HSPG2: variants seen among roughly 807,000 people sequenced by gnomAD.
The protein encoded by HSPG2 is heparan sulfate proteoglycan 2, also known as basement membrane-specific heparan sulfate proteoglycan core protein.
HSPG2 carries 278 observed loss-of-function variants against 526.6 expected under a neutral mutation model. The ratio of observed to expected loss-of-function variants is 0.53; its 90% CI spans 0.48 to 0.58. The LOEUF is 0.58. Ranked by LOEUF, HSPG2 falls within the 20% of genes least tolerant of loss-of-function variation. The pLI is 0.00. For synonymous variants in HSPG2, 2,465 were observed against 2,555.4 expected (o/e 0.96, Z 1.07); for missense variants, 5,354 against 6,099.5 (o/e 0.88, Z 4.07).
rs369321573 is a variant in HSPG2, at chr1:21,890,582, C to T, written c.354+3G>A. 18 of 1,611,576 alleles carry T rather than the reference C, an allele frequency of 1.1e-5. No homozygotes were observed. Among genetic ancestry groups the T allele is most frequent in the Middle Eastern group, 3.3e-4 (2 of 6,054 alleles). ...CGAGCTTCCCAAACCCCCTTCACCTCACCGTGTCTACCACAGCCTCGGACA... is the reference window on the plus strand; with the variant it reads ...CGAGCTTCCCAAACCCCCTTCACCTTACCGTGTCTACCACAGCCTCGGACA... On this transcript the variant is annotated splice_donor_region_variant and intron_variant, in intron 4 of 96. Coordinates refer to ENST00000374695, the MANE Select transcript of HSPG2 (RefSeq NM_005529.7). This position sits in a 1 kb window ranked among gnomAD's most constrained non-coding sequence, Gnocchi z 4.1.
intron 33 of HSPG2, chr1:21,870,196 G>C: frequency 1.1e-5 from 11 of 971,020 alleles, no homozygotes; most frequent in Non-Finnish European, 1.3e-5. Context: ...ACCTGTCCTA[G>C]CCAGGTCCTC....
chr1:21,862,505 A>G (rs1238807324), intron 37 of HSPG2, among the ~76,000 whole-genome samples: 2 of 151,112 alleles, frequency 1.3e-5, no homozygotes, highest in Non-Finnish European at 3.0e-5. Flanking sequence ...AGTTGCTTGA[A>G]TCCAGGAGGT....
chr1:21,879,985 T>C (rs752192833), intron 17 of HSPG2, 122 bp downstream of exon 17: 16 of 1,159,366 alleles, frequency 1.4e-5, no homozygotes, highest in South Asian at 1.3e-4. Context: ...GAGGTCATGA[T>C]AGTTCATCTG....
At chr1:21,921,604 G>C (rs1267164138) in intron 1 of HSPG2, among the ~76,000 whole-genome samples, 1 of 152,190 alleles carries the variant, frequency 6.6e-6, no homozygotes, top group Non-Finnish European at 1.5e-5. Context: ...TTAAGGGGCT[G>C]GGAGGGTCCC....
At chr1:21,843,066 T>C (rs1388070987) in intron 66 of HSPG2, 145 bp from the exon 67 acceptor site, 7 of 1,070,710 alleles carry the variant, frequency 6.5e-6, no homozygotes, top group Middle Eastern at 3.0e-4. Context: ...AAGGGTCTCC[T>C]TTCCCTGGGG....
chr1:21,844,823 C>T (rs1321290489), intron 64 of HSPG2, among the ~76,000 whole-genome samples: 2 of 152,242 alleles, frequency 1.3e-5, no homozygotes, highest in Admixed American at 6.5e-5. Flanking sequence ...TAGGGTCCAA[C>T]ACCTAAGAAG....
intron 74 of HSPG2, 30 bp downstream of exon 74, chr1:21,838,795 C>T (rs374845971): frequency 3.7e-5 from 59 of 1,606,902 alleles, no homozygotes; most frequent in African/African-American, 2.7e-4. Flanking sequence ...GAAAGGTGAT[C>T]CCCTTCCACG....
intron 1 of HSPG2, among the ~76,000 whole-genome samples, chr1:21,912,480 G>A (rs1291475362): frequency 9.2e-5 from 14 of 152,112 alleles, no homozygotes; most frequent in Non-Finnish European, 1.5e-5. Context: ...ATCCTGTACT[G>A]TCCAAGCTGG....
At chr1:21,894,190 G>A (rs1642579844) in intron 3 of HSPG2, among the ~76,000 whole-genome samples, 2 of 152,058 alleles carry the variant, frequency 1.3e-5, no homozygotes, top group Non-Finnish European at 2.9e-5. Context: ...GACGGGTCTT[G>A]ACACACAGGG....
rs1248340781 is a variant in HSPG2 at position 21,878,500 on chromosome 1, G to A, written c.2559-9C>T. 3.1e-6 allele frequency: 5 copies of A among 1,613,236 alleles called. No individual in the cohort carries two copies. Among genetic ancestry groups the A allele is most frequent in the East Asian group, 2.2e-5 (1 of 44,866 alleles). On this transcript the variant is annotated splice_polypyrimidine_tract_variant and intron_variant, in intron 19 of 96. Coordinates refer to ENST00000374695, the MANE Select transcript of HSPG2 (RefSeq NM_005529.7). ...CGTATCCGGGGGCACAGCTAGGGGA[G>A]AGAGGGGGCCGCCATCAGCACTTCC...
intron 1 of HSPG2, among the ~76,000 whole-genome samples, chr1:21,917,669 C>A (rs1376554697): frequency 6.6e-6 from 1 of 152,110 alleles, no homozygotes; most frequent in African/African-American, 2.4e-5. Flanking sequence ...CATTTGCCTG[C>A]CTCTAGGCCT....
In HSPG2 at chr1:21,881,520, G is replaced by A; in HGVS notation, c.1655-18C>T. On this transcript the variant is annotated intron_variant, in intron 13 of 96. Transcript: ENST00000374695. ...ATTCACACCTGTGGGTGGCAAGGGGGAGGCTGAGGGCTGCAGCCTGGGCCT... is the reference window on the plus strand; with the variant it reads ...ATTCACACCTGTGGGTGGCAAGGGGAAGGCTGAGGGCTGCAGCCTGGGCCT... 1 of 1,606,500 alleles carries A rather than the reference G, an allele frequency of 6.2e-7. No homozygotes were observed. Among genetic ancestry groups the A allele is most frequent in the South Asian group, 1.1e-5 (1 of 90,916 alleles).
Position 21,880,550 on chromosome 1 carries a change from C to T in HSPG2, c.2008G>A (p.Val670Ile), listed in dbSNP as rs147810145. Residue 670 changes from valine to isoleucine, a missense_variant, in exon 16 of 97, where the codon GTC becomes ATC. By Grantham distance (29) the Val-to-Ile change is conservative (BLOSUM62 3). Transcript: ENST00000374695. Reference sequence around the variant, plus strand: ...TGCACCGGCCGGCCAGACTCATGGACCCAGTGCTCCTGGGTATGGGTGAAG... The same window carrying T: ...TGCACCGGCCGGCCAGACTCATGGATCCAGTGCTCCTGGGTATGGGTGAAG... ...RQVQFSEEHWVHESGRPVQRA... is the reference protein window; with the variant it reads ...RQVQFSEEHWIHESGRPVQRA... The T allele has an allele frequency of 8.6e-5, 139 of 1,613,478 alleles. No individual in the cohort carries two copies. In the East Asian group the frequency reaches 2.7e-3, roughly 32 times the overall value.
Position 21,870,188 on chromosome 1 carries a change from C to T in HSPG2, c.4221+1998G>A, listed in dbSNP as rs145776052. 1,888 of 955,626 alleles carry T rather than the reference C, an allele frequency of 2.0e-3. 34 individuals carry two copies. The African/African-American group carries it at 0.028, about 14-fold the overall frequency. The allele number at this position is 955,626 out of a possible 1,614,324, so 59.2% of individuals were successfully genotyped here. ...TCCTCGCTGTGGCCCTAGGTACAAC[C>T]TGTCCTAGCCAGGTCCTCAGTTACC... On this transcript the variant is annotated intron_variant, in intron 33 of 96. Coordinates refer to ENST00000374695, the MANE Select transcript of HSPG2 (RefSeq NM_005529.7).
In HSPG2 at chr1:21,847,691, G is replaced by A. The variant is rs1245896582; in HGVS notation, c.8023C>T (p.Gln2675Ter). ...GCTGCTGTGGCTCCACTCTGTACCTGGTGTCGGGAGGGAAGGCTGCCCCCA... is the reference window on the plus strand; with the variant it reads ...GCTGCTGTGGCTCCACTCTGTACCTAGTGTCGGGAGGGAAGGCTGCCCCCA... ...KRGGSLPSRH[Q>*]THGSHLRLHQ... is the part of the protein sequence containing the mutation. The change falls in exon 61 of 97, where the codon CAG becomes TAG. Residue 2675 changes from glutamine (Q) to a stop codon, truncating the protein, a stop_gained and splice_region_variant. Transcript: ENST00000374695. LOFTEE classifies it high-confidence loss of function. This position sits in a 1 kb window ranked among gnomAD's most constrained non-coding sequence, Gnocchi z 4.1. The A allele has an allele frequency of 6.2e-7, 1 of 1,607,378 alleles. No homozygotes were observed. The highest frequency in any genetic ancestry group is 8.5e-7 in the Non-Finnish European group (1 of 1,177,136).
intron 3 of HSPG2, among the ~76,000 whole-genome samples, chr1:21,892,646 C>T (rs775882419): frequency 7.9e-5 from 12 of 152,078 alleles, no homozygotes; most frequent in Non-Finnish European, 1.8e-4. Flanking sequence ...AGGCCGAGGC[C>T]GGCAGATCAC....
chr1:21,936,997 C>A (rs922825476), intron 1 of HSPG2, among the ~76,000 whole-genome samples, 158 bp downstream of exon 1: 1 of 151,854 alleles, frequency 6.6e-6, no homozygotes, highest in African/African-American at 2.4e-5. Context: ...CAGGGTGGCG[C>A]CGGCCCGGGG....
At chr1:21,840,774 G>C (rs1038562902) in intron 71 of HSPG2, among the ~76,000 whole-genome samples, 3 of 152,118 alleles carry the variant, frequency 2.0e-5, no homozygotes, top group Non-Finnish European at 4.4e-5. Flanking sequence ...TTACAGGCAC[G>C]TGCCACCATG....
intron 44 of HSPG2, 151 bp downstream of exon 44, chr1:21,856,864 T>A: frequency 1.2e-6 from 1 of 822,390 alleles, no homozygotes; most frequent in Non-Finnish European, 2.1e-6. Context: ...CTGTACATGC[T>A]TCTCTCCCCT....
Sources: gnomAD v4.1 joint callset for allele counts (sites outside exome capture counted in the v4.1 genomes callset) on GRCh38, gnomAD v4.1.1 for gene constraint, Gnocchi (gnomAD v3.1) non-coding constraint, MANE v1.5 for transcripts, NCBI Gene and HGNC (gene_info 2026-07-23, HGNC 2026-07-21) for gene names.